TMPRSS11F: variants seen among roughly 807,000 people sequenced by gnomAD.
TMPRSS11F encodes transmembrane protease serine 11F.
In TMPRSS11F, 47 loss-of-function variants were observed where a neutral mutation model predicts 60.2. That is an observed-to-expected ratio of 0.78 (90% confidence interval 0.62 to 1.00). The LOEUF is 1.00. Among genes scored for constraint, TMPRSS11F ranks in the 50% least tolerant of loss-of-function variants. The pLI is 0.00. For missense variants in TMPRSS11F, 519 were observed against 522.9 expected, an observed-to-expected ratio of 0.99 and a Z score of 0.07; for synonymous variants, 166 against 167.3, an observed-to-expected ratio of 0.99 and a Z score of 0.06.
intron 3 of TMPRSS11F, among the ~76,000 whole-genome samples, chr4:68,089,308 A>G (rs1180830443): frequency 1.3e-5 from 2 of 152,168 alleles, no homozygotes; most frequent in East Asian, 1.9e-4. Flanking sequence ...TACTATATCA[A>G]TGAAAACAGG....
At chr4:68,120,684 G>T (rs1336526683) in intron 1 of TMPRSS11F, among the ~76,000 whole-genome samples, 3 of 152,124 alleles carry the variant, frequency 2.0e-5, no homozygotes, top group Admixed American at 6.5e-5. Flanking sequence ...CACCGCGCCC[G>T]GCCGAGAAAT....
rs145093363 is a variant in TMPRSS11F at position 68,095,588 on chromosome 4, T to C, written c.163+3299A>G. Among the ~76,000 whole-genome samples the C allele has an allele frequency of 1.7e-3, 261 of 152,220 alleles. 1 individual carries two copies. The highest frequency in any genetic ancestry group is 5.7e-3 in the African/African-American group (237 of 41,544). ...GCTGGTAGAAAACAGTTTGGTATTATCCATGATGATAAAAAAGCACATGCC... is the reference window on the plus strand; with the variant it reads ...GCTGGTAGAAAACAGTTTGGTATTACCCATGATGATAAAAAAGCACATGCC... On this transcript the variant is annotated intron_variant, in intron 2 of 9. Transcript: ENST00000356291.
At chr4:68,104,999 A>T (rs1724274123) in intron 1 of TMPRSS11F, among the ~76,000 whole-genome samples, 1 of 135,516 alleles carries the variant, frequency 7.4e-6, no homozygotes, top group South Asian at 2.3e-4. Context: ...CTTCTTAGGT[A>T]TCAAGGTGAT....
rs561316375 is a variant in TMPRSS11F, at chr4:68,063,680, A to C, written c.1015+1005T>G. ...AGGCTTGAGCCATCACCGCTGGCCT[A>C]ATCTTTCTCTTTAACGTAGAGTGAA... On this transcript the variant is annotated intron_variant, in intron 8 of 9. Transcript: ENST00000356291. Among the ~76,000 whole-genome samples, 9 of 152,234 alleles carry C rather than the reference A, an allele frequency of 5.9e-5. No homozygotes were observed. In the East Asian group the frequency reaches 1.7e-3, roughly 29 times the overall value.
intron 1 of TMPRSS11F, among the ~76,000 whole-genome samples, chr4:68,126,332 A>G (rs1724713762): frequency 1.3e-5 from 2 of 152,226 alleles, no homozygotes. Flanking sequence ...GTACTAATGA[A>G]TAAATGAAAC....
intron 1 of TMPRSS11F, among the ~76,000 whole-genome samples, chr4:68,100,075 G>A (rs1402160960): frequency 1.3e-5 from 2 of 151,374 alleles, no homozygotes; most frequent in East Asian, 1.9e-4. Context: ...AAAATAGCAT[G>A]TGGGGCGTTG....
At chr4:68,063,217 A>C (rs548092084) in intron 8 of TMPRSS11F, 1 of 586,666 alleles carries the variant, frequency 1.7e-6, no homozygotes, top group East Asian at 4.5e-5. Flanking sequence ...ACTTTTCTAA[A>C]ACAGGTAAGT....
At chr4:68,104,060 T>A (rs192463666) in intron 1 of TMPRSS11F, among the ~76,000 whole-genome samples, 1 of 152,202 alleles carries the variant, frequency 6.6e-6, no homozygotes, top group African/African-American at 2.4e-5. Context: ...TGTGGCATCT[T>A]TGGGATTTAT....
chr4:68,099,163 G>T, intron 1 of TMPRSS11F, 125 bp from the exon 2 acceptor site: 2 of 750,372 alleles, frequency 2.7e-6, no homozygotes, highest in South Asian at 4.7e-5. Context: ...CTTAGACCTT[G>T]AAAAGAACAG....
At chr4:68,060,324 G>A (rs551630636) in intron 8 of TMPRSS11F, among the ~76,000 whole-genome samples, 3 of 150,196 alleles carry the variant, frequency 2.0e-5, no homozygotes, top group East Asian at 2.0e-4. Context: ...TGACTAACAC[G>A]GTGAAACCCT....
chr4:68,065,296 G>A (rs1312470578), intron 7 of TMPRSS11F, among the ~76,000 whole-genome samples: 1 of 152,018 alleles, frequency 6.6e-6, no homozygotes, highest in Non-Finnish European at 1.5e-5. Flanking sequence ...ATCTTCCACC[G>A]ATTCTTATTT....
intron 3 of TMPRSS11F, among the ~76,000 whole-genome samples, chr4:68,085,453 A>T (rs990301909): frequency 6.6e-6 from 1 of 152,046 alleles, no homozygotes; most frequent in Non-Finnish European, 1.5e-5. Context: ...GGTATCTCAT[A>T]GTGGTTTTGA....
At chr4:68,072,168 TTTTA>T (rs1295751698) in intron 5 of TMPRSS11F, among the ~76,000 whole-genome samples, 151 bp downstream of exon 5, 3 of 140,604 alleles carry the variant, frequency 2.1e-5, no homozygotes, top group African/African-American at 7.7e-5. Flanking sequence ...CATAGTGGAA[TTTTA>T]TTTTAGTTTT....
In TMPRSS11F at chr4:68,129,807, T is replaced by TA. The variant is rs778378073; in HGVS notation, c.11+2dup. On this transcript the variant is annotated splice_region_variant and intron_variant, in intron 1 of 9. Transcript: ENST00000356291. ...CCTTTACTGAGAAAAGCTGAATACT[T>TA]ACGCGTACATCATGAACCCAGGACT... The TA allele has an allele frequency of 1.9e-6, 3 of 1,613,276 alleles. No individual in the cohort carries two copies. Among genetic ancestry groups the TA allele is most frequent in the South Asian group, 1.1e-5 (1 of 90,982 alleles).
intron 1 of TMPRSS11F, among the ~76,000 whole-genome samples, chr4:68,115,486 T>C (rs1724501207): frequency 6.6e-6 from 1 of 152,032 alleles, no homozygotes; most frequent in African/African-American, 2.4e-5. Flanking sequence ...AAGCTCGGAA[T>C]GGAGCAAGGA....
chr4:68,074,083 A>G lies in TMPRSS11F; in HGVS notation c.283-74T>C, dbSNP rs565353714. On this transcript the variant is annotated intron_variant, in intron 3 of 9. Coordinates refer to ENST00000356291, the MANE Select transcript of TMPRSS11F (RefSeq NM_207407.2). Reference sequence around the variant, plus strand: ...AAAAAAATAATTTTTTAAAAGAAGTATTAGTCTTAAGAAAAGTGTTATTCC... The same window carrying G: ...AAAAAAATAATTTTTTAAAAGAAGTGTTAGTCTTAAGAAAAGTGTTATTCC... The G allele has an allele frequency of 1.3e-5, 12 of 930,850 alleles. No homozygotes were observed. In the East Asian group the frequency reaches 3.2e-4, roughly 25 times the overall value. The allele number at this position is 930,850 out of a possible 1,614,324, so 57.7% of individuals were successfully genotyped here.
intron 1 of TMPRSS11F, among the ~76,000 whole-genome samples, chr4:68,119,776 G>A (rs1046517531): frequency 2.0e-5 from 3 of 152,180 alleles, no homozygotes; most frequent in Non-Finnish European, 4.4e-5. Context: ...TTTCAAGCCT[G>A]CTAATGGGAG....
intron 9 of TMPRSS11F, 95 bp downstream of exon 9, chr4:68,059,231 C>A (rs996051865): frequency 7.0e-6 from 9 of 1,292,462 alleles, no homozygotes; most frequent in Admixed American, 2.2e-5. Flanking sequence ...GTAAGAGATG[C>A]CATTTTTTTT....
chr4:68,080,647 T>G (rs1477633415), intron 3 of TMPRSS11F: 1 of 152,238 alleles, frequency 6.6e-6, no homozygotes, highest in Admixed American at 6.5e-5. Context: ...CCCAGAGAAA[T>G]CATGCTGAGG....
Sources: allele counts gnomAD v4.1 joint callset (sites outside exome capture counted in the v4.1 genomes callset), GRCh38; gene constraint gnomAD v4.1.1; transcripts MANE v1.5; gene names NCBI Gene and HGNC (gene_info 2026-07-23, HGNC 2026-07-21).